The following SUCO variants were observed in gnomAD, a reference collection of about 807,000 sequenced individuals.
SUCO encodes SUN domain-containing ossification factor.
A neutral mutation model predicts 148.1 loss-of-function variants in SUCO; 57 were observed. The observed-to-expected ratio is 0.38, with a 90% CI of 0.31 to 0.48. SUCO has a LOEUF of 0.48. Among genes scored for constraint, SUCO ranks in the 20% least tolerant of loss-of-function variants. The pLI, the probability that SUCO is intolerant of heterozygous loss-of-function variation, is 0.96. For missense variants in SUCO, 1,331 were observed against 1,468.2 expected (o/e 0.91, Z 1.53); for synonymous variants, 470 against 502.7 (o/e 0.93, Z 0.87).
intron 13 of SUCO, 147 bp from the exon 14 acceptor site, chr1:172,578,151 A>G: frequency 4.6e-6 from 3 of 647,706 alleles, no homozygotes; most frequent in Non-Finnish European, 8.2e-6. Context: ...TAGATGACTT[A>G]AATGTAAGGA....
At chr1:172,595,834 G>A (rs1657055151) in intron 19 of SUCO, among the ~76,000 whole-genome samples, 1 of 152,130 alleles carries the variant, frequency 6.6e-6, no homozygotes, top group African/African-American at 2.4e-5. Flanking sequence ...GCCTTGCTAG[G>A]TTGGGGAAGT....
intron 6 of SUCO, chr1:172,568,529 TAA>T (rs1654720026): frequency 5.0e-6 from 4 of 798,902 alleles, no homozygotes; most frequent in Non-Finnish European, 6.1e-6. Context: ...TTCTAAAATG[TAA>T]AGTTTTGTTT....
chr1:172,579,821 CTT>C (rs1456359673), intron 15 of SUCO, among the ~76,000 whole-genome samples: 1 of 152,068 alleles, frequency 6.6e-6, no homozygotes, highest in Non-Finnish European at 1.5e-5. Flanking sequence ...CTGACTGACA[CTT>C]TATTTTTCAT....
intron 23 of SUCO, 109 bp downstream of exon 23, chr1:172,608,911 G>T: frequency 1.3e-6 from 1 of 753,858 alleles, no homozygotes; most frequent in Non-Finnish European, 2.2e-6. Flanking sequence ...TTAACTGAAT[G>T]TTTATTTTCT....
chr1:172,600,177 T>C lies in SUCO; in HGVS notation c.3018+9T>C. ...CAGAATTGAAACGGGAGGTAATTGTTATTGCTGGTATTGCGAGACCCAATG... is the reference window on the plus strand; with the variant it reads ...CAGAATTGAAACGGGAGGTAATTGTCATTGCTGGTATTGCGAGACCCAATG... On this transcript the variant is annotated intron_variant, in intron 20 of 23. Transcript: ENST00000263688. 6.3e-7 allele frequency: 1 copy of C among 1,575,364 alleles called. No homozygotes were observed.
At chr1:172,572,659 A>G (rs1376464165) in intron 9 of SUCO, among the ~76,000 whole-genome samples, 2 of 140,194 alleles carry the variant, frequency 1.4e-5, no homozygotes, top group Admixed American at 7.6e-5. Context: ...TGACCCTGCC[A>G]AATCCCCCTC....
intron 15 of SUCO, among the ~76,000 whole-genome samples, chr1:172,582,842 A>G (rs777882227): frequency 1.3e-5 from 2 of 152,174 alleles, no homozygotes; most frequent in Non-Finnish European, 2.9e-5. Flanking sequence ...AAATGATGAT[A>G]ATAAATAATA....
intron 15 of SUCO, among the ~76,000 whole-genome samples, chr1:172,583,968 G>C (rs757219538): frequency 2.0e-5 from 3 of 152,108 alleles, no homozygotes; most frequent in Non-Finnish European, 2.9e-5. Flanking sequence ...AAGAGAAGTA[G>C]GGTTAGCAGG....
intron 14 of SUCO, 97 bp downstream of exon 14, chr1:172,578,486 A>T: frequency 7.1e-7 from 1 of 1,404,604 alleles, no homozygotes; most frequent in African/African-American, 1.5e-5. Context: ...AATCAATATG[A>T]CTGTTGTCTT....
At chr1:172,594,861 A>T (rs1656971958) in intron 19 of SUCO, among the ~76,000 whole-genome samples, 1 of 152,118 alleles carries the variant, frequency 6.6e-6, no homozygotes, top group Non-Finnish European at 1.5e-5. Context: ...TGATCTGTCG[A>T]ATGTTGACAG....
At chr1:172,563,571 G>T (rs1039017634) in intron 6 of SUCO, among the ~76,000 whole-genome samples, 1 of 152,204 alleles carries the variant, frequency 6.6e-6, no homozygotes, top group African/African-American at 2.4e-5. Flanking sequence ...TCAAGATGTG[G>T]CCTGGCTACT....
At chr1:172,548,652 T>C (rs1444788172) in intron 1 of SUCO, among the ~76,000 whole-genome samples, 1 of 152,036 alleles carries the variant, frequency 6.6e-6, no homozygotes, top group Admixed American at 6.5e-5. Flanking sequence ...ATTTCTTGCT[T>C]CCAGGCTTGG....
chr1:172,594,358 T>A (rs1200034365), intron 19 of SUCO, among the ~76,000 whole-genome samples: 1 of 152,226 alleles, frequency 6.6e-6, no homozygotes, highest in Admixed American at 6.5e-5. Context: ...TCTAGTTCTT[T>A]TAATTGTGAT....
At chr1:172,583,762 T>C (rs1656045002) in intron 15 of SUCO, among the ~76,000 whole-genome samples, 1 of 152,176 alleles carries the variant, frequency 6.6e-6, no homozygotes, top group Non-Finnish European at 1.5e-5. Context: ...AATTAACTTC[T>C]AGTGGAATTT....
upstream of SUCO, chr1:172,532,418 G>C (rs1651650092): frequency 8.5e-6 from 12 of 1,414,086 alleles, no homozygotes; most frequent in Non-Finnish European, 1.2e-5. Context: ...GGCAAGCGGC[G>C]AAATTCTTGC....
chr1:172,561,007 C>A (rs1032497480), intron 6 of SUCO, among the ~76,000 whole-genome samples: 3 of 152,220 alleles, frequency 2.0e-5, no homozygotes, highest in Non-Finnish European at 4.4e-5. Flanking sequence ...GAGGGTGGCA[C>A]CGCCACCTTC....
chr1:172,569,202 G>T, intron 7 of SUCO, 60 bp downstream of exon 7: 1 of 1,293,612 alleles, frequency 7.7e-7, no homozygotes, highest in South Asian at 1.8e-5. Context: ...AGTTTAATAT[G>T]CTTTCTTTTT....
At chr1:172,608,571 T>G (rs1433410641) in intron 22 of SUCO, 176 bp from the exon 23 acceptor site, 1 of 618,306 alleles carries the variant, frequency 1.6e-6, no homozygotes, top group Non-Finnish European at 2.9e-6. Flanking sequence ...CTTGCCTCTT[T>G]TTGCTTACTA....
intron 19 of SUCO, among the ~76,000 whole-genome samples, chr1:172,598,557 T>A (rs1657282882): frequency 2.0e-5 from 3 of 152,228 alleles, no homozygotes; most frequent in Admixed American, 2.0e-4. Flanking sequence ...GGCTTCTGAC[T>A]CATGAACGCA....
Sources: allele counts gnomAD v4.1 joint callset (sites outside exome capture counted in the v4.1 genomes callset), GRCh38; gene constraint gnomAD v4.1.1; transcripts MANE v1.5; gene names NCBI Gene and HGNC (gene_info 2026-07-23, HGNC 2026-07-21).